Variants in SLC2A14 observed in about 807,000 individuals in gnomAD.
SLC2A14 encodes the protein solute carrier family 2, facilitated glucose transporter member 14.
A neutral mutation model predicts 43.0 loss-of-function variants in SLC2A14; 13 were observed. The observed-to-expected ratio is 0.30, with a 90% confidence interval of 0.20 to 0.48. SLC2A14 has a LOEUF of 0.48. Ranked by LOEUF, SLC2A14 falls within the 20% of genes least tolerant of loss-of-function variation. The pLI is 0.99. For missense variants in SLC2A14, 428 were observed against 620.4 expected (o/e 0.69, Z 3.29); for synonymous variants, 190 against 233.8 (o/e 0.81, Z 1.71).
At chr12:7,826,979 C>T (rs1463225598) in intron 7 of SLC2A14, among the ~76,000 whole-genome samples, 2 of 10,482 alleles carry the variant, frequency 1.9e-4, no homozygotes, top group Non-Finnish European at 4.6e-4. Flanking sequence ...CTCTCTCTTT[C>T]TCTCCTTTCT....
At chr12:7,833,773 C>A (rs1865220768) in intron 2 of SLC2A14, among the ~76,000 whole-genome samples, 1 of 115,834 alleles carries the variant, frequency 8.6e-6, no homozygotes, top group African/African-American at 2.9e-5. Flanking sequence ...CAGAGCAAGA[C>A]TCTGTCTCAA....
In SLC2A14 at chr12:7,814,255, C is replaced by T; in HGVS notation, c.*61G>A. 6.8e-7 allele frequency: 1 copy of T among 1,471,110 alleles called. No homozygotes were observed. Among genetic ancestry groups the T allele is most frequent in the Admixed American group, 2.0e-5 (1 of 50,818 alleles). The allele number at this position is 1,471,110 out of a possible 1,614,324, so 91.1% of individuals were successfully genotyped here. ...TCCTGGGTTCATCCTGATAAAGTCT[C>T]TCCCTTGTTGAGGGAGAGGTGGCTT... On this transcript the variant is annotated 3_prime_UTR_variant, in exon 11 of 11. Transcript: ENST00000431042.
intron 1 of SLC2A14, among the ~76,000 whole-genome samples, chr12:7,881,981 C>T (rs1342605842): frequency 6.6e-6 from 1 of 152,030 alleles, no homozygotes; most frequent in Non-Finnish European, 1.5e-5. Flanking sequence ...CAAAACAGAC[C>T]ACTGGGCTCT....
chr12:7,853,333 G>A (rs1340043590), intron 2 of SLC2A14, among the ~76,000 whole-genome samples: 1 of 151,398 alleles, frequency 6.6e-6, no homozygotes, highest in Non-Finnish European at 1.5e-5. Context: ...CAGCTACTCA[G>A]GAGGCTGAGG....
At chr12:7,859,785 G>A (rs1200974700) in intron 2 of SLC2A14, among the ~76,000 whole-genome samples, 2 of 152,128 alleles carry the variant, frequency 1.3e-5, no homozygotes, top group Non-Finnish European at 2.9e-5. Context: ...TTTGAAGTAG[G>A]CAAAGAGCAG....
rs1242931047 is a variant in SLC2A14 at position 7,826,940 on chromosome 12, CCTTT to C, written c.864+551_864+554del. On this transcript the variant is annotated intron_variant, in intron 7 of 10. Transcript: ENST00000431042. ...TTTTCCTTTTTCTTTCCTTTCCTTT[CCTTT>C]CTTTCCTTTCTTCTCTCTCTTTCTC... Among the ~76,000 whole-genome samples, 5 of 132,538 alleles carry C rather than the reference CCTTT, an allele frequency of 3.8e-5. No individual in the cohort carries two copies. In the South Asian group the frequency reaches 1.0e-3, roughly 28 times the overall value. The allele number at this position is 132,538 out of a possible 152,430, so 87.0% of individuals were successfully genotyped here. A position where few individuals can be genotyped will look rare whatever the true frequency, so the allele number is the denominator to read the frequency against.
At chr12:7,843,200 T>C (rs1403190725) in intron 2 of SLC2A14, among the ~76,000 whole-genome samples, 2 of 148,236 alleles carry the variant, frequency 1.3e-5, no homozygotes, top group Non-Finnish European at 3.0e-5. Context: ...TTTTCACCCT[T>C]TTTTATGTCT....
At chr12:7,820,949 T>G (rs1043384542) in intron 8 of SLC2A14, among the ~76,000 whole-genome samples, 4 of 151,778 alleles carry the variant, frequency 2.6e-5, no homozygotes, top group African/African-American at 9.7e-5. Context: ...GAGTTGGGCG[T>G]GGTGGCGCAC....
At chr12:7,882,410 C>G (rs746121937) in intron 1 of SLC2A14, among the ~76,000 whole-genome samples, 1 of 152,086 alleles carries the variant, frequency 6.6e-6, no homozygotes, top group Admixed American at 6.6e-5. Flanking sequence ...GTAACACTAA[C>G]CGCGAGGGTC....
intron 10 of SLC2A14, among the ~76,000 whole-genome samples, chr12:7,817,289 A>G (rs1863532812): frequency 6.6e-6 from 1 of 151,864 alleles, no homozygotes; most frequent in Non-Finnish European, 1.5e-5. Flanking sequence ...CTAATTTTGC[A>G]TTTTTAGTAG....
At position 7,846,095 on chromosome 12, in the gene SLC2A14, C is replaced by CA. The variant is rs1280054369; in HGVS notation, c.19-13282dup. The stretch of plus-strand genomic sequence containing the variant: ...GTGACAAAGGGAGACCTTGTCTAAA[C>CA]AAAAAAAAGAAAGAAAGAAAGAAAA... On this transcript the variant is annotated intron_variant, in intron 2 of 10. Transcript: ENST00000431042. 3.3e-5 allele frequency among the ~76,000 whole-genome samples: 5 copies of CA among 150,924 alleles called. No homozygotes were observed. The East Asian group carries it at 5.8e-4, about 18-fold the overall frequency.
intron 7 of SLC2A14, among the ~76,000 whole-genome samples, chr12:7,827,292 T>TTA (rs1864576529): frequency 8.3e-6 from 1 of 121,204 alleles, no homozygotes; most frequent in African/African-American, 2.9e-5. Flanking sequence ...TTTTTTTTTT[T>TTA]AGACGAAGTT....
chr12:7,877,096 C>T (rs544908454), upstream of SLC2A14, among the ~76,000 whole-genome samples: 9 of 151,772 alleles, frequency 5.9e-5, no homozygotes, highest in African/African-American at 1.7e-4. Flanking sequence ...CTCTGCCTCC[C>T]GGATTCAAAT....
At chr12:7,841,992 C>G (rs909629898) in intron 2 of SLC2A14, among the ~76,000 whole-genome samples, 1 of 150,312 alleles carries the variant, frequency 6.7e-6, no homozygotes, top group East Asian at 2.0e-4. Context: ...GCAACAAGAG[C>G]GAAACTCTGT....
chr12:7,883,034 C>G (rs1043771894), intron 1 of SLC2A14, among the ~76,000 whole-genome samples: 6 of 151,360 alleles, frequency 4.0e-5, no homozygotes, highest in Admixed American at 2.6e-4. Context: ...CATGGTGAAA[C>G]CCTGTCTCTA....
chr12:7,863,864 G>A (rs1187001448), intron 2 of SLC2A14, among the ~76,000 whole-genome samples: 1 of 150,628 alleles, frequency 6.6e-6, no homozygotes, highest in African/African-American at 2.4e-5. Flanking sequence ...TGCCCAGGCT[G>A]GGGTGCAGTG....
chr12:7,863,143 G>A (rs1045683622), intron 2 of SLC2A14, among the ~76,000 whole-genome samples: 2 of 152,052 alleles, frequency 1.3e-5, no homozygotes, highest in African/African-American at 4.8e-5. Flanking sequence ...CACCGCAAAG[G>A]TCTGCAGCTT....
chr12:7,886,996 C>A (rs920042946), intron 1 of SLC2A14, among the ~76,000 whole-genome samples: 5 of 150,430 alleles, frequency 3.3e-5, no homozygotes, highest in Non-Finnish European at 7.4e-5. Flanking sequence ...ACTGCAACCT[C>A]CGCCTCCCAG....
chr12:7,880,824 C>G (rs1945556459), intron 1 of SLC2A14, among the ~76,000 whole-genome samples: 1 of 151,038 alleles, frequency 6.6e-6, no homozygotes, highest in African/African-American at 2.4e-5. Context: ...GGCCAACACA[C>G]TGAAACCCTG....
Sources: allele counts gnomAD v4.1 joint callset (sites outside exome capture counted in the v4.1 genomes callset), GRCh38; gene constraint gnomAD v4.1.1; transcripts MANE v1.5; gene names NCBI Gene and HGNC (gene_info 2026-07-23, HGNC 2026-07-21).